KCNQ1OT1: variants seen among roughly 807,000 people sequenced by gnomAD.
KCNQ1OT1 encodes the protein KCNQ1 antisense RNA 2 (non-protein coding).
In KCNQ1OT1 at chr11:2,690,138, G is replaced by A. The variant is rs998378169; in HGVS notation, n.9857C>T. 5 of 398,946 alleles carry A rather than the reference G, an allele frequency of 1.3e-5. No individual in the cohort carries two copies. Among genetic ancestry groups the A allele is most frequent in the African/African-American group, 4.1e-5 (2 of 48,746 alleles). The allele number at this position is 398,946 out of a possible 1,614,324, so 24.7% of individuals were successfully genotyped here. On this transcript the variant is annotated non_coding_transcript_exon_variant, in exon 1 of 1. Coordinates refer to ENST00000597346, the Ensembl canonical transcript of KCNQ1OT1. The surrounding 1 kb of genome is among the most constrained non-coding windows in gnomAD (Gnocchi z 5.1). Reference sequence around the variant, plus strand: ...AACTGGGGGAGCAGGGACAAAAAGCGGGCAGCCCTCCCCAGCATGACAGGA... The same window carrying A: ...AACTGGGGGAGCAGGGACAAAAAGCAGGCAGCCCTCCCCAGCATGACAGGA...
At chr11:2,697,860 G>C in exon 1 of KCNQ1OT1, 4 of 398,602 alleles carry the variant, frequency 1.0e-5, no homozygotes, top group Non-Finnish European at 1.8e-5. Flanking sequence ...GACATGCTCT[G>C]ATTCGCAATT....
In KCNQ1OT1 at chr11:2,645,107, A is replaced by T. The variant is rs1031079695; in HGVS notation, n.54888T>A. On this transcript the variant is annotated non_coding_transcript_exon_variant, in exon 1 of 1. Coordinates refer to ENST00000597346, the Ensembl canonical transcript of KCNQ1OT1. This position sits in a 1 kb window ranked among gnomAD's most constrained non-coding sequence, Gnocchi z 5.8. ...TAGGTCCTTGAGCTCTGAGCAGCAG[A>T]TATGGCTTGGGCAATGGCAGTAGCA... The T allele has an allele frequency of 5.0e-6, 2 of 398,576 alleles. No individual in the cohort carries two copies. The highest frequency in any genetic ancestry group is 4.1e-5 in the African/African-American group (2 of 48,636). The allele number at this position is 398,576 out of a possible 1,614,324, so 24.7% of individuals were successfully genotyped here.
exon 1 of KCNQ1OT1, chr11:2,631,325 C>T: frequency 2.5e-6 from 1 of 398,518 alleles, no homozygotes; most frequent in Non-Finnish European, 4.4e-6. Context: ...AATTTATCCT[C>T]CAGTTGATGA....
exon 1 of KCNQ1OT1, chr11:2,694,242 GC>G (rs1850635863): frequency 7.5e-6 from 3 of 398,596 alleles, no homozygotes; most frequent in Non-Finnish European, 1.3e-5. Flanking sequence ...CAGGATGCAA[GC>G]CAGGGCCTGC....
exon 1 of KCNQ1OT1, chr11:2,665,086 C>G (rs573196193): frequency 1.0e-4 from 41 of 398,466 alleles, no homozygotes; most frequent in African/African-American, 7.4e-4. Context: ...ACGGGGTACC[C>G]AGGAGATAAA....
chr11:2,672,659 G>C (rs1199078697), exon 1 of KCNQ1OT1: 1 of 398,732 alleles, frequency 2.5e-6, no homozygotes, highest in Non-Finnish European at 4.4e-6. Flanking sequence ...GACCAGATAT[G>C]ATAGGACCTT....
At position 2,653,283 on chromosome 11, in the gene KCNQ1OT1, G is replaced by T. The variant is rs1849785836; in HGVS notation, n.46712C>A. On this transcript the variant is annotated non_coding_transcript_exon_variant, in exon 1 of 1. Coordinates refer to ENST00000597346, the Ensembl canonical transcript of KCNQ1OT1. The surrounding 1 kb of genome is among the most constrained non-coding windows in gnomAD (Gnocchi z 5.3). ...CCCTCTGCCCTGAAAACTAGTGGGG[G>T]CAGTGCAGACCAGTTTAGCTATTTT... 5.0e-6 allele frequency: 2 copies of T among 398,612 alleles called. No individual in the cohort carries two copies. The highest frequency in any genetic ancestry group is 4.1e-5 in the African/African-American group (2 of 48,636). 24.7% of individuals were successfully genotyped at this position (398,612 alleles called of 1,614,324 possible).
chr11:2,649,280 T>C (rs1465657472), exon 1 of KCNQ1OT1: 1 of 398,496 alleles, frequency 2.5e-6, no homozygotes. Flanking sequence ...TTGTATACTT[T>C]TGTTTCCTCT....
Position 2,642,574 on chromosome 11 carries a change from A to G in KCNQ1OT1, n.57421T>C. The G allele has an allele frequency of 2.5e-6, 1 of 397,610 alleles. No homozygotes were observed. The highest frequency in any genetic ancestry group is 4.4e-6 in the Non-Finnish European group (1 of 225,628). The allele number at this position is 397,610 out of a possible 1,614,324, so 24.6% of individuals were successfully genotyped here. On this transcript the variant is annotated non_coding_transcript_exon_variant, in exon 1 of 1. Coordinates refer to ENST00000597346, the Ensembl canonical transcript of KCNQ1OT1. The surrounding 1 kb of genome is among the most constrained non-coding windows in gnomAD (Gnocchi z 4.3). Reference sequence around the variant, plus strand: ...TAGGTCTTCTCTCTTTTCTTCTTGGATAGTTTAGCCACTGGTTATTTTGTT... The same window carrying G: ...TAGGTCTTCTCTCTTTTCTTCTTGGGTAGTTTAGCCACTGGTTATTTTGTT...
At chr11:2,631,203 C>A in exon 1 of KCNQ1OT1, 1 of 398,488 alleles carries the variant, frequency 2.5e-6, no homozygotes, top group South Asian at 1.3e-4. Flanking sequence ...TACTTTCCTT[C>A]TATAAATCCT....
At position 2,679,544 on chromosome 11, in the gene KCNQ1OT1, T is replaced by A. The variant is rs1850351688; in HGVS notation, n.20451A>T. The A allele has an allele frequency of 2.5e-6, 1 of 398,632 alleles. No individual in the cohort carries two copies. Among genetic ancestry groups the A allele is most frequent in the Non-Finnish European group, 4.4e-6 (1 of 226,072 alleles). The allele number at this position is 398,632 out of a possible 1,614,324, so 24.7% of individuals were successfully genotyped here. A position where few individuals can be genotyped will look rare whatever the true frequency, so the allele number is the denominator to read the frequency against. On this transcript the variant is annotated non_coding_transcript_exon_variant, in exon 1 of 1. Coordinates refer to ENST00000597346, the Ensembl canonical transcript of KCNQ1OT1. The surrounding 1 kb of genome is among the most constrained non-coding windows in gnomAD (Gnocchi z 4.8). ...GCTATACCTCATGATGGCCATTCCATCCATTGTAATCATGTGTACCATGCA... is the reference window on the plus strand; with the variant it reads ...GCTATACCTCATGATGGCCATTCCAACCATTGTAATCATGTGTACCATGCA...
In KCNQ1OT1 at chr11:2,638,159, G is replaced by C. The variant is rs1056579259; in HGVS notation, n.61836C>G. The C allele has an allele frequency of 1.2e-4, 19 of 152,094 alleles. 1 individual carries two copies. Among genetic ancestry groups the C allele is most frequent in the African/African-American group, 4.3e-4 (18 of 41,422 alleles). 9.4% of individuals were successfully genotyped at this position (152,094 alleles called of 1,614,324 possible). ...TTTGCCAGTCTGTGTCTTTTAATTG[G>C]AGCCTTTAGCCTATTTACATTTAAG... On this transcript the variant is annotated non_coding_transcript_exon_variant, in exon 1 of 1. Coordinates refer to ENST00000597346, the Ensembl canonical transcript of KCNQ1OT1.
chr11:2,648,339 A>T (rs1249771729), exon 1 of KCNQ1OT1: 1 of 398,280 alleles, frequency 2.5e-6, no homozygotes, highest in African/African-American at 2.1e-5. Context: ...TTGCTTTTCT[A>T]GTTCCTTGAG....
exon 1 of KCNQ1OT1, chr11:2,628,012 C>T (rs1314267470): frequency 7.5e-6 from 3 of 398,458 alleles, no homozygotes; most frequent in African/African-American, 6.2e-5. Context: ...TGGCCACCCC[C>T]AAGTACTGGG....
At chr11:2,662,674 T>G (rs1341481129) in exon 1 of KCNQ1OT1, 1 of 405,118 alleles carries the variant, frequency 2.5e-6, no homozygotes, top group South Asian at 1.2e-4. Context: ...GACTCCCCGC[T>G]GGGGTGCCCA....
exon 1 of KCNQ1OT1, chr11:2,656,279 A>T (rs531168771): frequency 1.0e-5 from 4 of 398,542 alleles, no homozygotes; most frequent in African/African-American, 2.1e-5. Flanking sequence ...CTCAGCCCCA[A>T]ATCTCTAAAA....
chr11:2,635,944 A>G (rs1265324690), exon 1 of KCNQ1OT1: 4 of 152,166 alleles, frequency 2.6e-5, no homozygotes, highest in Non-Finnish European at 5.9e-5. Context: ...TCTTTGAAGC[A>G]ATTGTGAATG....
rs533469712 is a variant in KCNQ1OT1 at position 2,653,109 on chromosome 11, G to A, written n.46886C>T. ...GGGTGTGGAGAGAGGCTCACTGAAG[G>A]TTTGGGGAGATGAGGACTTGCATCA... is the stretch of plus-strand genomic sequence containing the variant. On this transcript the variant is annotated non_coding_transcript_exon_variant, in exon 1 of 1. Coordinates refer to ENST00000597346, the Ensembl canonical transcript of KCNQ1OT1. The surrounding 1 kb of genome is among the most constrained non-coding windows in gnomAD (Gnocchi z 5.3). 6 of 398,732 alleles carry A rather than the reference G, an allele frequency of 1.5e-5. No homozygotes were observed. In the East Asian group the frequency reaches 1.8e-4, roughly 12 times the overall value. The allele number at this position is 398,732 out of a possible 1,614,324, so 24.7% of individuals were successfully genotyped here.
chr11:2,699,094 C>T, exon 1 of KCNQ1OT1: 1 of 398,648 alleles, frequency 2.5e-6, no homozygotes, highest in Non-Finnish European at 4.4e-6. Flanking sequence ...ACTTCCATCC[C>T]AATAGCGCGG....
Sources: allele counts gnomAD v4.1 joint callset, GRCh38; gene constraint gnomAD v4.1.1; non-coding constraint Gnocchi (gnomAD v3.1); transcripts MANE v1.5; gene names NCBI Gene and HGNC (gene_info 2026-07-23, HGNC 2026-07-21).